The following LRRC59 variants were observed in gnomAD, a reference collection of about 807,000 sequenced individuals.
LRRC59 encodes leucine-rich repeat-containing protein 59.
LRRC59 carries 18 observed loss-of-function variants against 33.5 expected under a neutral mutation model. The observed-to-expected ratio is 0.54, with a 90% CI of 0.37 to 0.80. LRRC59 has a LOEUF of 0.80. Among genes scored for constraint, LRRC59 ranks in the 30% least tolerant of loss-of-function variants. The pLI, the probability that LRRC59 is intolerant of heterozygous loss-of-function variation, is 0.00. For missense variants in LRRC59, 330 were observed against 391.9 expected (o/e 0.84, Z 1.33); for synonymous variants, 138 against 160.0 (o/e 0.86, Z 1.04).
At position 50,385,226 on chromosome 17, in the gene LRRC59, G is replaced by A. The variant is rs1444626107; in HGVS notation, c.568C>T (p.Arg190Trp). ...CGCTCCTTCTCTTCCGCCTTCTCCC[G>A]CTTCCGCAGTTCCCGCTCCTGAGCT... is the stretch of plus-strand genomic sequence containing the variant. The part of the protein sequence containing the change: ...KEAQERELRK[R>W]EKAEEKERRR... Residue 190 changes from arginine (R) to tryptophan (W), a missense_variant, in exon 6 of 7, where the codon CGG becomes TGG. By Grantham distance (101) the Arg-to-Trp change is moderately radical (BLOSUM62 -3). Coordinates refer to ENST00000225972, the MANE Select transcript of LRRC59 (RefSeq NM_018509.4). 7 of 1,613,886 alleles carry A rather than the reference G, an allele frequency of 4.3e-6. No individual in the cohort carries two copies. Among genetic ancestry groups the A allele is most frequent in the East Asian group, 2.2e-5 (1 of 44,896 alleles).
rs1913877359 is a variant in LRRC59, at chr17:50,382,296, A to C, written c.*692T>G. 6.6e-6 allele frequency: 1 copy of C among 152,352 alleles called. No individual in the cohort carries two copies. Among genetic ancestry groups the C allele is most frequent in the Non-Finnish European group, 1.5e-5 (1 of 68,184 alleles). 9.4% of individuals were successfully genotyped at this position (152,352 alleles called of 1,614,324 possible). ...AGTTCTGGTCTCTCAGGACATTATA[A>C]AGGAGGGAAAATGATGTAAAGGGAA... On this transcript the variant is annotated 3_prime_UTR_variant, in exon 7 of 7. Transcript: ENST00000225972.
intron 4 of LRRC59, among the ~76,000 whole-genome samples, chr17:50,389,251 C>A (rs1914084279): frequency 6.6e-6 from 1 of 152,166 alleles, no homozygotes; most frequent in Non-Finnish European, 1.5e-5. Context: ...CATGGATGAC[C>A]TCTAACCACA....
intron 1 of LRRC59, among the ~76,000 whole-genome samples, chr17:50,395,779 G>A (rs544354371): frequency 1.3e-5 from 2 of 152,230 alleles, no homozygotes; most frequent in East Asian, 3.9e-4. Flanking sequence ...CAGGCATGGT[G>A]GCACACGCTT....
chr17:50,386,723 A>T (rs72832491), intron 5 of LRRC59, among the ~76,000 whole-genome samples: 2,606 of 152,288 alleles, frequency 0.017, 31 homozygotes, highest in Middle Eastern at 0.054. Flanking sequence ...GTAACTTGGC[A>T]CGGTGCTCTC....
chr17:50,389,706 T>C (rs911751332), intron 4 of LRRC59, among the ~76,000 whole-genome samples: 2 of 152,226 alleles, frequency 1.3e-5, no homozygotes, highest in African/African-American at 4.8e-5. Flanking sequence ...ATGTAATTCT[T>C]ATTTCTAGAA....
Position 50,397,490 on chromosome 17 carries a change from C to T in LRRC59, c.-173G>A. 2.0e-6 allele frequency: 1 copy of T among 512,292 alleles called. No individual in the cohort carries two copies. The highest frequency in any genetic ancestry group is 3.5e-6 in the Non-Finnish European group (1 of 289,236). The allele number at this position is 512,292 out of a possible 1,614,324, so 31.7% of individuals were successfully genotyped here. A position where few individuals can be genotyped will look rare whatever the true frequency, so the allele number is the denominator to read the frequency against. On this transcript the variant is annotated 5_prime_UTR_variant, in exon 1 of 7. Transcript: ENST00000225972. ...GCCGCACTCCGAGCCTCGCGCCTAG[C>T]TCCCACCGGTGCCGCGACGACGACC...
intron 6 of LRRC59, among the ~76,000 whole-genome samples, chr17:50,384,765 C>CAAAA (rs5820811): frequency 4.5e-5 from 6 of 132,162 alleles, no homozygotes; most frequent in African/African-American, 1.1e-4. Flanking sequence ...AACTCTGTCT[C>CAAAA]AAAAAAAAAA....
intron 2 of LRRC59, 72 bp downstream of exon 2, chr17:50,394,857 T>G: frequency 7.8e-4 from 504 of 642,258 alleles, no homozygotes; most frequent in Non-Finnish European, 1.1e-3. Context: ...CCCACCCCCC[T>G]CTCAACCCCC....
rs570579233 is a variant in LRRC59 at position 50,394,081 on chromosome 17, A to G, written c.165+848T>C. 3.8e-4 allele frequency among the ~76,000 whole-genome samples: 58 copies of G among 152,326 alleles called. 1 individual carries two copies. Among genetic ancestry groups the G allele is most frequent in the African/African-American group, 1.3e-3 (53 of 41,572 alleles). On this transcript the variant is annotated intron_variant, in intron 2 of 6. Transcript: ENST00000225972. ...TAGAAACAGTTTTTGATGAGCTGTG[A>G]CAAGGTACTGTGGACGATGAGCAAG...
At chr17:50,387,965 A>G in intron 5 of LRRC59, 95 bp downstream of exon 5, 1 of 1,245,614 alleles carries the variant, frequency 8.0e-7, no homozygotes, top group Middle Eastern at 1.9e-4. Context: ...ACTGTTCTTC[A>G]TGACTACTCT....
chr17:50,388,072 C>G lies in LRRC59; in HGVS notation c.490G>C (p.Glu164Gln). 1 of 1,614,222 alleles carries G rather than the reference C, an allele frequency of 6.2e-7. No individual in the cohort carries two copies. The highest frequency in any genetic ancestry group is 8.5e-7 in the Non-Finnish European group (1 of 1,180,038). ...DQERERQRRL[E>Q]VEREAEKKRE... ...GACAGCCACCTACCACGTTCTACTT[C>G]CAGCCGCCGCTGCCTCTCCCGCTCC... The change falls in exon 5 of 7, where the codon GAA (glutamate) becomes CAA (glutamine). Residue 164 changes from glutamate (E) to glutamine (Q), a missense_variant. Transcript: ENST00000225972.
At chr17:50,384,853 ACT>A (rs1453348200) in intron 6 of LRRC59, among the ~76,000 whole-genome samples, 4 of 151,776 alleles carry the variant, frequency 2.6e-5, no homozygotes, top group African/African-American at 7.3e-5. Flanking sequence ...AAAAAGTGAG[ACT>A]CTGTTCTGGG....
chr17:50,395,456 A>G (rs1312505473), intron 1 of LRRC59, among the ~76,000 whole-genome samples: 1 of 152,098 alleles, frequency 6.6e-6, no homozygotes, highest in Non-Finnish European at 1.5e-5. Flanking sequence ...AATATTACCC[A>G]GCGTCCCTCT....
At chr17:50,396,887 C>T (rs769345567) in intron 1 of LRRC59, 17 of 386,408 alleles carry the variant, frequency 4.4e-5, no homozygotes, top group Non-Finnish European at 7.3e-5. Context: ...AGTAACTGCT[C>T]CGTGTGCTCC....
intron 4 of LRRC59, among the ~76,000 whole-genome samples, chr17:50,391,561 G>A (rs1914144062): frequency 6.6e-6 from 1 of 152,332 alleles, no homozygotes; most frequent in Non-Finnish European, 1.5e-5. Context: ...AGAGATAGGT[G>A]TAATGCTGTT....
rs769526055 is a variant in LRRC59, at chr17:50,392,895, C to A, written c.168G>T (p.Ser56=). Residue 56 remains serine, a splice_region_variant and synonymous_variant, in exon 3 of 7, where the codon TCG becomes TCT. Coordinates refer to ENST00000225972, the MANE Select transcript of LRRC59 (RefSeq NM_018509.4). ...LSCNKLTTLP[S]DFCGLTHLVK... is the part of the protein sequence containing the mutation. ...CCAGGTGTGTGAGGCCACAGAAATC[C>A]GACTAGGATCCAAAGAGAGAACCTA... The A allele has an allele frequency of 6.8e-6, 11 of 1,612,304 alleles. No individual in the cohort carries two copies. The highest frequency in any genetic ancestry group is 9.3e-6 in the Non-Finnish European group (11 of 1,178,454).
intron 4 of LRRC59, among the ~76,000 whole-genome samples, chr17:50,389,724 GAC>G (rs1914095821): frequency 6.6e-6 from 1 of 152,142 alleles, no homozygotes; most frequent in Non-Finnish European, 1.5e-5. Flanking sequence ...GAAAACTCCA[GAC>G]ACGCATACCT....
chr17:50,383,293 C>A (rs1913915758), intron 6 of LRRC59, 58 bp from the exon 7 acceptor site: 2 of 1,515,146 alleles, frequency 1.3e-6, no homozygotes, highest in East Asian at 2.5e-5. Flanking sequence ...CTGCTCTATA[C>A]TAATCTCTGC....
chr17:50,394,507 A>G (rs1914224293), intron 2 of LRRC59, among the ~76,000 whole-genome samples: 1 of 152,230 alleles, frequency 6.6e-6, no homozygotes, highest in Non-Finnish European at 1.5e-5. Context: ...CTTGCTCCCC[A>G]TCAAAAGATG....
Sources: allele counts gnomAD v4.1 joint callset (sites outside exome capture counted in the v4.1 genomes callset), GRCh38; gene constraint gnomAD v4.1.1; transcripts MANE v1.5; gene names NCBI Gene and HGNC (gene_info 2026-07-23, HGNC 2026-07-21).